The following DNER variants were observed in gnomAD, a reference collection of about 807,000 sequenced individuals.
DNER encodes the protein delta and Notch-like epidermal growth factor-related receptor.
In DNER, 33 loss-of-function variants were observed where a neutral mutation model predicts 78.2. The observed-to-expected ratio is 0.42, with a 90% CI of 0.32 to 0.56. DNER has a LOEUF of 0.56. DNER is among the 20% of genes least tolerant of loss of function. DNER has a pLI of 0.11. For synonymous variants in DNER, 417 were observed against 384.8 expected, an observed-to-expected ratio of 1.08 and a Z score of -0.98; for missense variants, 918 against 975.3, an observed-to-expected ratio of 0.94 and a Z score of 0.78.
chr2:229,420,935 G>A (rs966705219), intron 8 of DNER, among the ~76,000 whole-genome samples: 4 of 152,202 alleles, frequency 2.6e-5, no homozygotes, highest in East Asian at 1.9e-4. Flanking sequence ...CAAAAGAATC[G>A]AAAACAGGAT....
In DNER at chr2:229,703,606, C is replaced by T. The variant is rs1026771474; in HGVS notation, c.276+10542G>A. ...TGTTAAGAAAAGGAAGGGCTGGGCA[C>T]GGTGGCTGATGCATGTAGTCCTAGC... On this transcript the variant is annotated intron_variant, in intron 1 of 12. Coordinates refer to ENST00000341772, the MANE Select transcript of DNER (RefSeq NM_139072.4). 1.3e-4 allele frequency among the ~76,000 whole-genome samples: 20 copies of T among 152,274 alleles called. No individual in the cohort carries two copies. The East Asian group carries it at 1.9e-3, about 15-fold the overall frequency.
At chr2:229,431,245 G>C (rs1693997519) in intron 8 of DNER, among the ~76,000 whole-genome samples, 1 of 152,094 alleles carries the variant, frequency 6.6e-6, no homozygotes, top group Non-Finnish European at 1.5e-5. Context: ...AAGAAAATCT[G>C]GGACTATATG....
chr2:229,671,930 AC>A (rs1699216323), intron 1 of DNER, among the ~76,000 whole-genome samples: 1 of 152,224 alleles, frequency 6.6e-6, no homozygotes, highest in Non-Finnish European at 1.5e-5. Context: ...TAGCTGTTAT[AC>A]TTTGCAGATC....
At chr2:229,502,482 TG>T (rs1403957288) in intron 6 of DNER, among the ~76,000 whole-genome samples, 1 of 152,032 alleles carries the variant, frequency 6.6e-6, no homozygotes. Flanking sequence ...AGATTCTCTG[TG>T]GGGAAAGAAG....
At chr2:229,685,385 A>ACTCTGAATTTGTGGTTGGAGTCAATC (rs1414251376) in intron 1 of DNER, among the ~76,000 whole-genome samples, 1 of 112,480 alleles carries the variant, frequency 8.9e-6, no homozygotes, top group South Asian at 3.3e-4. Flanking sequence ...TAATTTGAAT[A>ACTCTGAATTTGTGGTTGGAGTCAATC]AAAATATGAT....
chr2:229,401,117 C>T (rs1371379309), intron 10 of DNER, among the ~76,000 whole-genome samples: 1 of 151,898 alleles, frequency 6.6e-6, no homozygotes, highest in African/African-American at 2.4e-5. Flanking sequence ...AACTGAAACC[C>T]CAATGAGCTA....
intron 5 of DNER, among the ~76,000 whole-genome samples, chr2:229,537,723 T>C (rs1240402759): frequency 6.6e-6 from 1 of 152,184 alleles, no homozygotes; most frequent in Non-Finnish European, 1.5e-5. Flanking sequence ...GTCTATCCTT[T>C]GGGAGGTCAT....
intron 8 of DNER, among the ~76,000 whole-genome samples, chr2:229,437,028 A>G (rs1694135487): frequency 6.6e-6 from 1 of 152,220 alleles, no homozygotes; most frequent in African/African-American, 2.4e-5. Context: ...GCAAAACCCA[A>G]TGGTATGCTA....
chr2:229,711,264 G>A (rs768436110), intron 1 of DNER, among the ~76,000 whole-genome samples: 10 of 152,142 alleles, frequency 6.6e-5, no homozygotes, highest in East Asian at 1.9e-4. Context: ...GAGGAAAAGA[G>A]GAAGGGGAGA....
At chr2:229,436,256 C>G (rs1285039589) in intron 8 of DNER, among the ~76,000 whole-genome samples, 3 of 152,134 alleles carry the variant, frequency 2.0e-5, no homozygotes, top group African/African-American at 7.2e-5. Flanking sequence ...TGGATCCATA[C>G]ATGTTACTGC....
At chr2:229,676,522 G>A (rs1198466111) in intron 1 of DNER, among the ~76,000 whole-genome samples, 1 of 152,160 alleles carries the variant, frequency 6.6e-6, no homozygotes, top group Admixed American at 6.5e-5. Context: ...TTAGATTTAG[G>A]TTCACCTGCT....
chr2:229,598,325 A>C (rs1303636505), intron 1 of DNER, among the ~76,000 whole-genome samples: 3 of 152,246 alleles, frequency 2.0e-5, no homozygotes, highest in Non-Finnish European at 4.4e-5. Context: ...AATTCATGTG[A>C]CATTTATCAA....
At chr2:229,467,201 T>C (rs1226404315) in intron 7 of DNER, among the ~76,000 whole-genome samples, 1 of 152,080 alleles carries the variant, frequency 6.6e-6, no homozygotes, top group Non-Finnish European at 1.5e-5. Context: ...TGACAACTTC[T>C]TCATAGAAAT....
At chr2:229,564,107 ATCACCCCATCACCATCATCATCATCC>A (rs1697043235) in intron 4 of DNER, among the ~76,000 whole-genome samples, 5 of 118,074 alleles carry the variant, frequency 4.2e-5, no homozygotes, top group African/African-American at 1.0e-4. Flanking sequence ...CATCAACATC[ATCACCCCATCACCATCATCATCATCC>A]TCACCCCATC....
At chr2:229,658,508 AT>A (rs1036707612) in intron 1 of DNER, among the ~76,000 whole-genome samples, 1 of 152,204 alleles carries the variant, frequency 6.6e-6, no homozygotes, top group African/African-American at 2.4e-5. Flanking sequence ...GCTTCCAAAG[AT>A]TCACACAAAT....
chr2:229,423,157 T>C (rs900697266), intron 8 of DNER, among the ~76,000 whole-genome samples: 3 of 152,064 alleles, frequency 2.0e-5, no homozygotes, highest in African/African-American at 7.2e-5. Flanking sequence ...GCAAAGTTAT[T>C]AAATATTGCA....
chr2:229,488,368 A>G (rs1239752671), intron 6 of DNER, among the ~76,000 whole-genome samples: 1 of 152,068 alleles, frequency 6.6e-6, no homozygotes, highest in Non-Finnish European at 1.5e-5. Context: ...TGTATATTAC[A>G]TTTGTATATG....
At chr2:229,409,136 C>T (rs759994704) in intron 9 of DNER, among the ~76,000 whole-genome samples, 1 of 152,128 alleles carries the variant, frequency 6.6e-6, no homozygotes, top group African/African-American at 2.4e-5. Flanking sequence ...TGTGTACAGC[C>T]TCTTCTCCCA....
intron 6 of DNER, among the ~76,000 whole-genome samples, chr2:229,488,294 GTGTGGA>G (rs1301364190): frequency 6.6e-6 from 1 of 152,236 alleles, no homozygotes; most frequent in East Asian, 1.9e-4. Flanking sequence ...GTGCCAGTGT[GTGTGGA>G]TGTGGATGTG....
Sources: allele counts gnomAD v4.1 joint callset (sites outside exome capture counted in the v4.1 genomes callset), GRCh38; gene constraint gnomAD v4.1.1; transcripts MANE v1.5; gene names NCBI Gene and HGNC (gene_info 2026-07-23, HGNC 2026-07-21).